The following SPAG16 variants were observed in gnomAD, a reference collection of about 807,000 sequenced individuals.
The protein encoded by SPAG16 is sperm-associated antigen 16 protein.
SPAG16 carries 86 observed loss-of-function variants against 80.4 expected under a neutral mutation model. The observed-to-expected ratio is 1.07, with a 90% CI of 0.90 to 1.28. SPAG16 has a LOEUF of 1.28. Ranked by LOEUF, SPAG16 falls within the 50% of genes most tolerant of loss-of-function variation. The pLI is 0.00. For missense variants in SPAG16, 870 were observed against 765.3 expected (o/e 1.14, Z -1.61); for synonymous variants, 294 against 265.9 (o/e 1.11, Z -1.03).
In SPAG16 at chr2:214,352,558, C is replaced by CTGTGTGTGTGTGTGTGTGTGTGTG. The variant is rs761835945; in HGVS notation, c.1721-57565_1721-57564insGTGTGTGTGTGTGTGTGTGTGTGT. Among the ~76,000 whole-genome samples, 121 of 142,536 alleles carry CTGTGTGTGTGTGTGTGTGTGTGTG rather than the reference C, an allele frequency of 8.5e-4. 1 individual carries two copies. The highest frequency in any genetic ancestry group is 3.1e-3 in the African/African-American group (111 of 35,516). 93.5% of individuals were successfully genotyped at this position (142,536 alleles called of 152,430 possible). On this transcript the variant is annotated intron_variant, in intron 15 of 15. Coordinates refer to ENST00000331683, the MANE Select transcript of SPAG16 (RefSeq NM_024532.5). The stretch of plus-strand genomic sequence containing the variant: ...GCTTTTTGTCCTTGACTTTTTTTCT[C>CTGTGTGTGTGTGTGTGTGTGTGTG]TGTGTGTGTGTGTGTGTATGTGTGA...
At chr2:213,798,760 T>A (rs1251182205) in intron 10 of SPAG16, among the ~76,000 whole-genome samples, 1 of 152,226 alleles carries the variant, frequency 6.6e-6, no homozygotes, top group Admixed American at 6.5e-5. Context: ...TCCTGTATGC[T>A]GTGAAATAAG....
chr2:213,896,309 A>G (rs2076987396), intron 11 of SPAG16, among the ~76,000 whole-genome samples: 1 of 152,056 alleles, frequency 6.6e-6, no homozygotes, highest in Non-Finnish European at 1.5e-5. Context: ...GATGCTGGTG[A>G]TGATGCAGAG....
intron 11 of SPAG16, among the ~76,000 whole-genome samples, chr2:213,866,036 T>C (rs1239627985): frequency 6.6e-6 from 1 of 151,324 alleles, no homozygotes; most frequent in African/African-American, 2.4e-5. Flanking sequence ...CTGGACTAGA[T>C]TAAAAACTGT....
At chr2:213,358,657 C>G (rs2065806996) in intron 7 of SPAG16, among the ~76,000 whole-genome samples, 1 of 152,160 alleles carries the variant, frequency 6.6e-6, no homozygotes, top group South Asian at 2.1e-4. Flanking sequence ...AGCCATTCAT[C>G]TAACCTTTTT....
At chr2:214,392,698 G>GAAA (rs34299318) in intron 15 of SPAG16, among the ~76,000 whole-genome samples, 7 of 144,780 alleles carry the variant, frequency 4.8e-5, no homozygotes, top group Non-Finnish European at 7.5e-5. Flanking sequence ...ACCTACAAAG[G>GAAA]AAAAAAAAAA....
At chr2:213,977,618 CT>C (rs1414227713) in intron 12 of SPAG16, among the ~76,000 whole-genome samples, 1 of 150,742 alleles carries the variant, frequency 6.6e-6, no homozygotes, top group Non-Finnish European at 1.5e-5. Flanking sequence ...CCCAAATGCT[CT>C]CTGTATCTTT....
intron 10 of SPAG16, among the ~76,000 whole-genome samples, chr2:213,778,028 T>A (rs533818853): frequency 1.3e-4 from 20 of 152,250 alleles, no homozygotes; most frequent in African/African-American, 4.8e-4. Flanking sequence ...TGCTAGATAA[T>A]AAATTTCTGG....
intron 11 of SPAG16, among the ~76,000 whole-genome samples, chr2:213,900,249 C>T (rs866577875): frequency 1.3e-5 from 2 of 152,064 alleles, no homozygotes; most frequent in African/African-American, 2.4e-5. Flanking sequence ...GGGGATTTTT[C>T]ACTGCAAGAA....
At chr2:214,105,379 C>T (rs1391002670) in intron 13 of SPAG16, among the ~76,000 whole-genome samples, 1 of 152,134 alleles carries the variant, frequency 6.6e-6, no homozygotes, top group Non-Finnish European at 1.5e-5. Flanking sequence ...GGCAACATAC[C>T]AACATTTCCT....
intron 11 of SPAG16, among the ~76,000 whole-genome samples, chr2:213,875,607 T>G (rs2076113627): frequency 6.6e-6 from 1 of 152,172 alleles, no homozygotes; most frequent in Non-Finnish European, 1.5e-5. Context: ...TTCACTCTTT[T>G]GGGTCTTACA....
intron 11 of SPAG16, among the ~76,000 whole-genome samples, chr2:213,863,914 C>G (rs556940155): frequency 2.2e-4 from 34 of 152,216 alleles, no homozygotes; most frequent in African/African-American, 7.7e-4. Flanking sequence ...TTAGCACTTT[C>G]TTACGGCAGA....
chr2:213,359,133 C>A (rs1415753583), intron 7 of SPAG16, among the ~76,000 whole-genome samples: 19 of 152,120 alleles, frequency 1.2e-4, no homozygotes, highest in Non-Finnish European at 2.9e-5. Flanking sequence ...GCTGCCTGAT[C>A]CTTCTTCTAG....
chr2:213,401,529 A>G (rs1405558138), intron 9 of SPAG16, among the ~76,000 whole-genome samples: 2 of 152,188 alleles, frequency 1.3e-5, no homozygotes, highest in Non-Finnish European at 1.5e-5. Flanking sequence ...TTTTACAGTG[A>G]AATACAAAAA....
chr2:214,279,363 A>C (rs905216666), intron 15 of SPAG16, among the ~76,000 whole-genome samples: 10 of 152,184 alleles, frequency 6.6e-5, no homozygotes, highest in African/African-American at 2.4e-4. Context: ...TTGAGAAACA[A>C]GCATTTTTTT....
At chr2:213,852,791 T>C (rs1008674967) in intron 10 of SPAG16, among the ~76,000 whole-genome samples, 6 of 152,214 alleles carry the variant, frequency 3.9e-5, no homozygotes, top group Non-Finnish European at 7.3e-5. Flanking sequence ...TGTTCTCCCC[T>C]ACACATAAGT....
intron 15 of SPAG16, among the ~76,000 whole-genome samples, chr2:214,341,004 A>G (rs1279828735): frequency 6.6e-6 from 1 of 152,242 alleles, no homozygotes; most frequent in Non-Finnish European, 1.5e-5. Context: ...GAGGACACAG[A>G]TCATTGGAAA....
intron 15 of SPAG16, among the ~76,000 whole-genome samples, chr2:214,174,260 T>C (rs1372068211): frequency 1.3e-5 from 2 of 151,880 alleles, no homozygotes; most frequent in African/African-American, 2.4e-5. Context: ...AAATAAAGGG[T>C]ATTCAATTAG....
chr2:213,586,940 C>A (rs900699419), intron 10 of SPAG16, among the ~76,000 whole-genome samples: 1 of 152,152 alleles, frequency 6.6e-6, no homozygotes, highest in Non-Finnish European at 1.5e-5. Flanking sequence ...CTTTGGGAAG[C>A]CCCACCCTTG....
intron 15 of SPAG16, among the ~76,000 whole-genome samples, chr2:214,314,717 G>T (rs1695558533): frequency 1.3e-5 from 2 of 152,190 alleles, no homozygotes; most frequent in African/African-American, 2.4e-5. Context: ...GTTAGGGGAT[G>T]CACATGGTGT....
Sources: gnomAD v4.1 joint callset for allele counts (sites outside exome capture counted in the v4.1 genomes callset) on GRCh38, gnomAD v4.1.1 for gene constraint, MANE v1.5 for transcripts, NCBI Gene and HGNC (gene_info 2026-07-23, HGNC 2026-07-21) for gene names.